The following CACNA1B variants were observed in gnomAD, a reference collection of about 807,000 sequenced individuals.
The protein encoded by CACNA1B is calcium voltage-gated channel subunit alpha1 B.
In CACNA1B, 70 loss-of-function variants were observed where a neutral mutation model predicts 247.2. The observed-to-expected ratio is 0.28, with a 90% CI of 0.23 to 0.35. The LOEUF (loss-of-function observed/expected upper bound fraction) is 0.35. Among genes scored for constraint, CACNA1B ranks in the 10% least tolerant of loss-of-function variants. CACNA1B has a pLI of 1.00. For synonymous variants in CACNA1B, 1,231 were observed against 1,294.4 expected (o/e 0.95, Z 1.05); for missense variants, 2,367 against 3,197.4 (o/e 0.74, Z 6.26).
chr9:138,024,118 G>C (rs911955742), intron 19 of CACNA1B, among the ~76,000 whole-genome samples: 1 of 152,220 alleles, frequency 6.6e-6, no homozygotes, highest in Admixed American at 6.5e-5. Context: ...GGGAATTGTT[G>C]CGACTGGCTT....
At chr9:137,885,234 C>T (rs1467001934) in intron 3 of CACNA1B, among the ~76,000 whole-genome samples, 8 of 151,736 alleles carry the variant, frequency 5.3e-5, no homozygotes, top group Admixed American at 2.0e-4. Context: ...CTGTGTCCCA[C>T]GGGGCCACAT....
chr9:138,087,183 C>T lies in CACNA1B; in HGVS notation c.5094+8925C>T, dbSNP rs1358829354. On this transcript the variant is annotated intron_variant, in intron 36 of 46. Coordinates refer to ENST00000371372, the MANE Select transcript of CACNA1B (RefSeq NM_000718.4). ...GGCAGATCATTTGAGGTCAGGAGTT[C>T]GAGACCAGCCTGGCTAACATGGTGA... is the stretch of plus-strand genomic sequence containing the variant. Among the ~76,000 whole-genome samples, 29 of 148,188 alleles carry T rather than the reference C, an allele frequency of 2.0e-4. 3 individuals carry two copies. Among genetic ancestry groups the T allele is most frequent in the African/African-American group, 6.1e-4 (24 of 39,634 alleles).
At chr9:138,093,334 C>A (rs1960940848) in intron 36 of CACNA1B, among the ~76,000 whole-genome samples, 1 of 140,042 alleles carries the variant, frequency 7.1e-6, no homozygotes, top group Admixed American at 7.6e-5. Flanking sequence ...ATGAGAATCG[C>A]TTGAACCCAG....
chr9:137,971,569 C>T lies in CACNA1B; in HGVS notation c.1520C>T (p.Pro507Leu), dbSNP rs1230381250. 5.0e-6 allele frequency: 8 copies of T among 1,613,276 alleles called. No homozygotes were observed. Among genetic ancestry groups the T allele is most frequent in the South Asian group, 1.1e-5 (1 of 90,954 alleles). Residue 507 changes from proline to leucine, a missense_variant, in exon 11 of 47, where the codon CCG becomes CTG. Pro to Leu is a moderately conservative substitution (Grantham distance 98). This residue lies in a region of CACNA1B where 219 missense variants were observed against 297.6 expected (regional missense o/e 0.74). Coordinates refer to ENST00000371372, the MANE Select transcript of CACNA1B (RefSeq NM_000718.4). The surrounding 1 kb of genome is among the most constrained non-coding windows in gnomAD (Gnocchi z 4.4). ...GTGGCCATGGTGCATTACAACCAGC[C>T]GCGGCGGCTTACCACGACCCTGTGT... ...LCVAMVHYNQ[P>L]RRLTTTLYFA...
intron 10 of CACNA1B, among the ~76,000 whole-genome samples, chr9:137,958,600 A>G (rs892301815): frequency 5.9e-5 from 9 of 151,930 alleles, no homozygotes; most frequent in African/African-American, 1.9e-4. Flanking sequence ...TAGTGCTTTT[A>G]TCTCACTATG....
chr9:137,953,918 T>C (rs1433674383), intron 7 of CACNA1B, among the ~76,000 whole-genome samples: 1 of 151,958 alleles, frequency 6.6e-6, no homozygotes, highest in Non-Finnish European at 1.5e-5. Context: ...CGCTGCCTGG[T>C]GGGAAGCCTG....
intron 3 of CACNA1B, among the ~76,000 whole-genome samples, chr9:137,898,640 G>A (rs1239119573): frequency 6.6e-6 from 1 of 151,628 alleles, no homozygotes; most frequent in South Asian, 2.1e-4. Flanking sequence ...CGAGTAGCTG[G>A]GACTACAGGC....
At position 138,052,721 on chromosome 9, in the gene CACNA1B, A is replaced by AC. The variant is rs1367957229; in HGVS notation, c.3807+535dup. 6.6e-6 allele frequency among the ~76,000 whole-genome samples: 1 copy of AC among 152,168 alleles called. No individual in the cohort carries two copies. The highest frequency in any genetic ancestry group is 2.4e-5 in the African/African-American group (1 of 41,438). On this transcript the variant is annotated intron_variant, in intron 25 of 46. Coordinates refer to ENST00000371372, the MANE Select transcript of CACNA1B (RefSeq NM_000718.4). The surrounding 1 kb of genome is among the most constrained non-coding windows in gnomAD (Gnocchi z 5.1). ...TTTACTGGAAATTCAAGCCATTGAG[A>AC]CCTGAGGCAATGGGGACTTAGAGAA...
chr9:138,026,314 T>C (rs1356605094), intron 20 of CACNA1B, among the ~76,000 whole-genome samples: 2 of 152,124 alleles, frequency 1.3e-5, no homozygotes, highest in Admixed American at 6.5e-5. Context: ...CACAAGTGAG[T>C]CTGCCTGCCC....
At chr9:138,041,555 C>T (rs1265644987) in intron 20 of CACNA1B, among the ~76,000 whole-genome samples, 3 of 151,978 alleles carry the variant, frequency 2.0e-5, no homozygotes, top group Non-Finnish European at 2.9e-5. Context: ...TTATCCTTTC[C>T]GTTCTTTCTT....
chr9:138,047,025 A>G lies in CACNA1B; in HGVS notation c.3535A>G (p.Arg1179Gly). 6.2e-7 allele frequency: 1 copy of G among 1,609,236 alleles called. No individual in the cohort carries two copies. The highest frequency in any genetic ancestry group is 1.1e-5 in the South Asian group (1 of 90,762). Residue 1179 changes from arginine (R) to glycine (G), a missense_variant, in exon 22 of 47, where the codon AGG becomes GGG. By Grantham distance (125) the Arg-to-Gly change is moderately radical (BLOSUM62 -2). Around this residue, in one of 12 missense-constraint regions of CACNA1B, gnomAD observed 436 missense variants for 679.5 expected, o/e 0.64. Coordinates refer to ENST00000371372, the MANE Select transcript of CACNA1B (RefSeq NM_000718.4). ...GGACCCAGTGCGCACAGACTCGCCC[A>G]GGAACAACGTGAGTGGCCCGGATGG... ...AEDPVRTDSPRNNALKYLDYI... is the reference protein window; with the variant it reads ...AEDPVRTDSPGNNALKYLDYI...
intron 20 of CACNA1B, among the ~76,000 whole-genome samples, chr9:138,039,111 G>A (rs1959083698): frequency 6.6e-6 from 1 of 151,886 alleles, no homozygotes; most frequent in South Asian, 2.1e-4. Context: ...CAGGAGAATC[G>A]CTTGAACCCA....
chr9:137,993,291 A>AT (rs1226341169), intron 15 of CACNA1B, among the ~76,000 whole-genome samples: 1 of 152,068 alleles, frequency 6.6e-6, no homozygotes, highest in East Asian at 1.9e-4. Flanking sequence ...TTTAGTTAAA[A>AT]TTTTTATTTT....
In CACNA1B at chr9:137,952,193, C is replaced by A; in HGVS notation, c.967-81C>A. ...AGGTGTGTGCTTCTGAGAAGGAGGCCTGTTGGGGGCTGGGGGTGCTCCTGT... is the reference window on the plus strand; with the variant it reads ...AGGTGTGTGCTTCTGAGAAGGAGGCATGTTGGGGGCTGGGGGTGCTCCTGT... On this transcript the variant is annotated intron_variant, in intron 6 of 46. Coordinates refer to ENST00000371372, the MANE Select transcript of CACNA1B (RefSeq NM_000718.4). This position sits in a 1 kb window ranked among gnomAD's most constrained non-coding sequence, Gnocchi z 4.8. The A allele has an allele frequency of 9.3e-7, 1 of 1,075,352 alleles. No individual in the cohort carries two copies. Among genetic ancestry groups the A allele is most frequent in the Non-Finnish European group, 1.4e-6 (1 of 699,562 alleles). The allele number at this position is 1,075,352 out of a possible 1,614,324, so 66.6% of individuals were successfully genotyped here. A position where few individuals can be genotyped will look rare whatever the true frequency, so the allele number is the denominator to read the frequency against.
intron 37 of CACNA1B, among the ~76,000 whole-genome samples, chr9:138,101,592 G>A (rs1961254720): frequency 6.6e-6 from 1 of 152,252 alleles, no homozygotes; most frequent in Non-Finnish European, 1.5e-5. Context: ...CCCAGGAGCA[G>A]CCGTCCTCTG....
intron 15 of CACNA1B, among the ~76,000 whole-genome samples, chr9:137,988,779 G>C (rs1958397581): frequency 6.6e-6 from 1 of 152,152 alleles, no homozygotes; most frequent in Non-Finnish European, 1.5e-5. Flanking sequence ...CTGAGCACTG[G>C]GGGAGGTACC....
chr9:137,972,214 ACT>A (rs1301798474), intron 11 of CACNA1B, among the ~76,000 whole-genome samples: 28 of 148,168 alleles, frequency 1.9e-4, no homozygotes, highest in African/African-American at 6.5e-4. Flanking sequence ...ACAGCCTCGG[ACT>A]CTCTGTCCCA....
chr9:138,038,209 G>A (rs1959070375), intron 20 of CACNA1B, among the ~76,000 whole-genome samples: 1 of 152,190 alleles, frequency 6.6e-6, no homozygotes, highest in African/African-American at 2.4e-5. Context: ...TACTTTTGGT[G>A]CTTAAATTGT....
At position 138,121,849 on chromosome 9, in the gene CACNA1B, C is replaced by T. The variant is rs1962113864; in HGVS notation, c.6870C>T (p.Arg2290=). ...AGGCTGTGGCCACCAACTCGGGCCG[C>T]TCCTCCAGGACTTCCTACGTGTCCT... ...FEEAVATNSG[R]SSRTSYVSSL... The change falls in exon 47 of 47, where the codon CGC becomes CGT. Residue 2290 remains arginine (R), a synonymous_variant. Coordinates refer to ENST00000371372, the MANE Select transcript of CACNA1B (RefSeq NM_000718.4). This position sits in a 1 kb window ranked among gnomAD's most constrained non-coding sequence, Gnocchi z 6.8. The T allele has an allele frequency of 1.2e-6, 2 of 1,613,286 alleles. No homozygotes were observed. The highest frequency in any genetic ancestry group is 1.7e-6 in the Non-Finnish European group (2 of 1,179,880).
Sources: gnomAD v4.1 joint callset for allele counts (sites outside exome capture counted in the v4.1 genomes callset) on GRCh38, gnomAD v4.1.1 for gene constraint, gnomAD v4.1.1 regional missense constraint, Gnocchi (gnomAD v3.1) non-coding constraint, MANE v1.5 for transcripts, NCBI Gene and HGNC (gene_info 2026-07-23, HGNC 2026-07-21) for gene names.